HEATR4: variants seen among roughly 807,000 people sequenced by gnomAD.
HEATR4 encodes the protein HEAT repeat containing 4.
A neutral mutation model predicts 108.8 loss-of-function variants in HEATR4; 95 were observed. That is an observed-to-expected ratio of 0.87 (90% CI 0.74 to 1.04). The LOEUF is 1.04. Ranked by LOEUF, HEATR4 falls within the 50% of genes least tolerant of loss-of-function variation. HEATR4 has a pLI of 0.00. For missense variants in HEATR4, 1,152 were observed against 1,253.8 expected (o/e 0.92, Z 1.23); for synonymous variants, 443 against 459.4 (o/e 0.96, Z 0.46).
At chr14:73,569,976 C>CA in the HEATR4 span, 9 of 1,461,950 alleles carry the variant, frequency 6.2e-6, no homozygotes, top group Middle Eastern at 2.1e-4. Context: ...GTATGCCCCC[C>CA]CGCCGCGCCC....
At chr14:73,537,319 G>C in intron 1 of HEATR4, 1 of 1,023,626 alleles carries the variant, frequency 9.8e-7, no homozygotes, top group Non-Finnish European at 1.3e-6. Flanking sequence ...TGCCCTAGTG[G>C]GCGTTTAGCC....
chr14:73,589,632 A>G, the HEATR4 span, among the ~76,000 whole-genome samples: 1 of 152,062 alleles, frequency 6.6e-6, no homozygotes, highest in Non-Finnish European at 1.5e-5. Flanking sequence ...CTTATATTTC[A>G]TCAAAAAGCT....
chr14:73,603,288 A>C, the HEATR4 span, among the ~76,000 whole-genome samples: 1 of 152,222 alleles, frequency 6.6e-6, no homozygotes, highest in African/African-American at 2.4e-5. Context: ...TAATATTTGA[A>C]CGTAATTTAG....
chr14:73,572,074 C>A, the HEATR4 span, among the ~76,000 whole-genome samples: 2 of 149,488 alleles, frequency 1.3e-5, no homozygotes, highest in Admixed American at 1.4e-4. Context: ...GAAGGAGCAA[C>A]ATATTCATCT....
At chr14:73,488,364 G>A (rs1010897865) in intron 17 of HEATR4, among the ~76,000 whole-genome samples, 3 of 152,110 alleles carry the variant, frequency 2.0e-5, no homozygotes, top group Non-Finnish European at 4.4e-5. Flanking sequence ...TCCACTTCCC[G>A]GGTTCATGCA....
In HEATR4 at chr14:73,478,755, T is replaced by G. The variant is rs776401200; in HGVS notation, c.2932A>C (p.Lys978Gln). 6.8e-6 allele frequency: 11 copies of G among 1,613,976 alleles called. No homozygotes were observed. The highest frequency in any genetic ancestry group is 9.3e-6 in the Non-Finnish European group (11 of 1,179,980). ...TRSKVRSSLV[K>Q]DLRTSPEKRI... ...TTCTCGGGGGAGGTGCGTAGATCTT[T>G]GACAAGTGATGAACGAACTTTGCTT... is the stretch of plus-strand genomic sequence containing the variant. The change falls in exon 18 of 18, where the codon AAA (lysine) becomes CAA (glutamine). Residue 978 changes from lysine (K) to glutamine (Q), a missense_variant. Lys to Gln is a moderately conservative substitution (Grantham distance 53). Coordinates refer to ENST00000553558, the MANE Select transcript of HEATR4 (RefSeq NM_001220484.1).
chr14:73,491,623 G>A (rs1237599445), intron 17 of HEATR4: 2 of 1,547,788 alleles, frequency 1.3e-6, no homozygotes, highest in East Asian at 2.4e-5. Flanking sequence ...GGCGGCGAGC[G>A]GCCCGCCTCT....
chr14:73,597,395 A>T, the HEATR4 span, among the ~76,000 whole-genome samples: 1 of 150,254 alleles, frequency 6.7e-6, no homozygotes. Flanking sequence ...TTATTTATTT[A>T]TTTATTTGAG....
chr14:73,622,193 G>A, the HEATR4 span, among the ~76,000 whole-genome samples: 2 of 152,044 alleles, frequency 1.3e-5, no homozygotes, highest in South Asian at 4.1e-4. Flanking sequence ...AAAGTGGCAG[G>A]GAGGATGAGA....
the HEATR4 span, chr14:73,619,975 A>C: frequency 1.9e-6 from 2 of 1,034,946 alleles, no homozygotes; most frequent in South Asian, 3.6e-5. Context: ...GCAGTGGCAT[A>C]ATCTTGGCTC....
chr14:73,576,846 A>C, the HEATR4 span, among the ~76,000 whole-genome samples: 1 of 147,954 alleles, frequency 6.8e-6, no homozygotes, highest in African/African-American at 2.5e-5. Flanking sequence ...ACTTGATATA[A>C]ATAGTTCCAC....
rs146202688 is a variant in HEATR4 at position 73,521,668 on chromosome 14, C to T, written c.881+604G>A. On this transcript the variant is annotated intron_variant, in intron 3 of 17. Coordinates refer to ENST00000553558, the MANE Select transcript of HEATR4 (RefSeq NM_001220484.1). ...TAGCTATAAATGAGATAGAAGCAATCTAAGAAACATGTAGTCATCTTCTTC... is the reference window on the plus strand; with the variant it reads ...TAGCTATAAATGAGATAGAAGCAATTTAAGAAACATGTAGTCATCTTCTTC... 1.5e-3 allele frequency among the ~76,000 whole-genome samples: 223 copies of T among 152,314 alleles called. 3 individuals carry two copies. The highest frequency in any genetic ancestry group is 2.7e-3 in the Admixed American group (41 of 15,294).
the HEATR4 span, chr14:73,592,494 G>C: frequency 7.1e-7 from 1 of 1,412,470 alleles, no homozygotes; most frequent in Non-Finnish European, 9.2e-7. Flanking sequence ...ATTTAGCACT[G>C]GTTTGGTTTT....
chr14:73,621,231 G>C, the HEATR4 span, among the ~76,000 whole-genome samples: 3 of 130,262 alleles, frequency 2.3e-5, no homozygotes, highest in Admixed American at 2.7e-4. Context: ...ACTTGTCTCT[G>C]AACGCCAGTC....
At position 73,520,968 on chromosome 14, in the gene HEATR4, T is replaced by G. The variant is rs1394414954; in HGVS notation, c.953A>C (p.His318Pro). The change falls in exon 4 of 18, where the codon CAT (histidine) becomes CCT (proline). Residue 318 changes from histidine to proline, a missense_variant. Coordinates refer to ENST00000553558, the MANE Select transcript of HEATR4 (RefSeq NM_001220484.1). Reference sequence around the variant, plus strand: ...GGGCTGGGAGAGGCTCGTCTTTTCATGGATATCCTCAGTGCTCTTGTTGCC... The same window carrying G: ...GGGCTGGGAGAGGCTCGTCTTTTCAGGGATATCCTCAGTGCTCTTGTTGCC... ...MPGNKSTEDI[H>P]EKTSLSQPQT... is the part of the protein sequence containing the mutation. The G allele has an allele frequency of 6.2e-7, 1 of 1,613,898 alleles. No individual in the cohort carries two copies. Among genetic ancestry groups the G allele is most frequent in the Non-Finnish European group, 8.5e-7 (1 of 1,179,998 alleles).
At chr14:73,593,044 G>A in the HEATR4 span, among the ~76,000 whole-genome samples, 1 of 152,102 alleles carries the variant, frequency 6.6e-6, no homozygotes, top group South Asian at 2.1e-4. Context: ...GATTTCTACA[G>A]GCATCAGCCT....
chr14:73,567,261 C>A, the HEATR4 span, among the ~76,000 whole-genome samples: 1 of 152,080 alleles, frequency 6.6e-6, no homozygotes, highest in Non-Finnish European at 1.5e-5. Context: ...GTGTGATCTT[C>A]AGAAAATCAG....
At chr14:73,526,473 G>C (rs1333851623) in intron 2 of HEATR4, among the ~76,000 whole-genome samples, 3 of 152,206 alleles carry the variant, frequency 2.0e-5, no homozygotes, top group African/African-American at 4.8e-5. Flanking sequence ...GAACAAGGGA[G>C]TGCCTGCATC....
chr14:73,580,428 AG>A, the HEATR4 span, among the ~76,000 whole-genome samples: 2 of 152,076 alleles, frequency 1.3e-5, 1 homozygote, highest in Non-Finnish European at 2.9e-5. Context: ...CAATATAATA[AG>A]AGTGAAGTGT....
Sources: gnomAD v4.1 joint callset for allele counts (sites outside exome capture counted in the v4.1 genomes callset) on GRCh38, gnomAD v4.1.1 for gene constraint, MANE v1.5 for transcripts, NCBI Gene and HGNC (gene_info 2026-07-23, HGNC 2026-07-21) for gene names.